ARHGAP26: variants seen among roughly 807,000 people sequenced by gnomAD.
The protein encoded by ARHGAP26 is Rho GTPase activating protein 26.
A neutral mutation model predicts 104.8 loss-of-function variants in ARHGAP26; 38 were observed. That is an observed-to-expected ratio of 0.36 (90% CI 0.28 to 0.48). ARHGAP26 has a LOEUF of 0.48. Ranked by LOEUF, ARHGAP26 falls within the 20% of genes least tolerant of loss-of-function variation. ARHGAP26 has a pLI of 0.99. For missense variants in ARHGAP26, 704 were observed against 947.9 expected (o/e 0.74, Z 3.38); for synonymous variants, 341 against 340.0 (o/e 1.00, Z -0.03).
intron 1 of ARHGAP26, chr5:142,868,201 G>A (rs1310406610): frequency 6.5e-6 from 1 of 152,914 alleles, no homozygotes; most frequent in Non-Finnish European, 1.5e-5. Context: ...GCTTCCTGGA[G>A]GAAAGAACTT....
chr5:142,953,345 G>A (rs1272946325), intron 11 of ARHGAP26, among the ~76,000 whole-genome samples: 1 of 152,216 alleles, frequency 6.6e-6, no homozygotes, highest in Non-Finnish European at 1.5e-5. Flanking sequence ...GCCGTAAATA[G>A]TTCCCTTTTT....
chr5:142,966,278 T>C (rs1771313828), intron 11 of ARHGAP26, among the ~76,000 whole-genome samples: 1 of 152,210 alleles, frequency 6.6e-6, no homozygotes, highest in South Asian at 2.1e-4. Context: ...ACTTTTGGCC[T>C]ATTTGGAATT....
At chr5:143,103,619 A>G (rs1793578284) in intron 17 of ARHGAP26, among the ~76,000 whole-genome samples, 2 of 152,226 alleles carry the variant, frequency 1.3e-5, no homozygotes, top group South Asian at 4.1e-4. Flanking sequence ...ATGAAGCCAT[A>G]AAAAAGAATA....
intron 20 of ARHGAP26, among the ~76,000 whole-genome samples, chr5:143,185,772 C>T (rs970425947): frequency 6.6e-6 from 1 of 152,120 alleles, no homozygotes; most frequent in Non-Finnish European, 1.5e-5. Flanking sequence ...TAACTTTTAC[C>T]CTCGTTTTCA....
intron 1 of ARHGAP26, among the ~76,000 whole-genome samples, chr5:142,847,646 C>T (rs945417800): frequency 5.1e-4 from 78 of 152,310 alleles, no homozygotes; most frequent in African/African-American, 1.4e-3. Flanking sequence ...CGTGAGCCAC[C>T]GTGCCCGGCC....
At chr5:142,917,593 A>G (rs1044087192) in intron 10 of ARHGAP26, among the ~76,000 whole-genome samples, 1 of 152,228 alleles carries the variant, frequency 6.6e-6, no homozygotes, top group Non-Finnish European at 1.5e-5. Context: ...TCCCGTGACT[A>G]AATTAAAAGA....
At chr5:142,825,768 G>T (rs1290000963) in intron 1 of ARHGAP26, among the ~76,000 whole-genome samples, 1 of 152,180 alleles carries the variant, frequency 6.6e-6, no homozygotes, top group Admixed American at 6.5e-5. Context: ...AGGCTTTTCT[G>T]TCCAGTAGAG....
At chr5:143,009,724 A>G (rs1778474053) in intron 11 of ARHGAP26, among the ~76,000 whole-genome samples, 1 of 152,264 alleles carries the variant, frequency 6.6e-6, no homozygotes, top group Non-Finnish European at 1.5e-5. Flanking sequence ...GATCTTTAAC[A>G]AATCTTCATA....
chr5:143,156,292 G>A (rs1800451447), intron 20 of ARHGAP26, among the ~76,000 whole-genome samples: 1 of 152,146 alleles, frequency 6.6e-6, no homozygotes, highest in African/African-American at 2.4e-5. Context: ...ATTCCTAGTT[G>A]GAAACAGCCT....
Position 142,948,105 on chromosome 5 carries a change from CG to C in ARHGAP26, c.1107+15983del, listed in dbSNP as rs758801101. Among the ~76,000 whole-genome samples the C allele has an allele frequency of 5.3e-5, 8 of 152,188 alleles. No individual in the cohort carries two copies. In the East Asian group the frequency reaches 1.5e-3, roughly 29 times the overall value. ...AAGAGCATGTTTCCCTTTTCAGACG[CG>C]GGCTTTGATGCGGCACTTTAGACGT... On this transcript the variant is annotated intron_variant, in intron 11 of 22. Coordinates refer to ENST00000645722, the MANE Select transcript of ARHGAP26 (RefSeq NM_001135608.3).
chr5:143,066,316 A>G (rs909081853), intron 17 of ARHGAP26, among the ~76,000 whole-genome samples: 1 of 152,242 alleles, frequency 6.6e-6, no homozygotes, highest in Non-Finnish European at 1.5e-5. Flanking sequence ...TCACACAGCA[A>G]TGAAATTGCC....
chr5:142,919,210 G>C, intron 10 of ARHGAP26: 1 of 398,510 alleles, frequency 2.5e-6, no homozygotes, highest in Non-Finnish European at 4.4e-6. Context: ...CTTGTAAAAA[G>C]GGGAAATTTG....
chr5:142,882,504 G>C (rs1306040746), intron 4 of ARHGAP26, among the ~76,000 whole-genome samples: 1 of 152,260 alleles, frequency 6.6e-6, no homozygotes, highest in Non-Finnish European at 1.5e-5. Flanking sequence ...CTGTGCTCAT[G>C]AAGTAGCTGG....
intron 17 of ARHGAP26, among the ~76,000 whole-genome samples, chr5:143,120,174 A>G (rs1414446875): frequency 6.6e-6 from 1 of 152,230 alleles, no homozygotes; most frequent in Admixed American, 6.5e-5. Flanking sequence ...ATGTTTTTAT[A>G]CATGGGGCCA....
chr5:142,804,384 G>T (rs1290513743), intron 1 of ARHGAP26, among the ~76,000 whole-genome samples: 1 of 152,200 alleles, frequency 6.6e-6, no homozygotes, highest in Non-Finnish European at 1.5e-5. Flanking sequence ...TGGGAAGCTA[G>T]TTTTCATTCA....
chr5:142,974,455 A>G (rs1187688413), intron 11 of ARHGAP26, among the ~76,000 whole-genome samples: 5 of 152,130 alleles, frequency 3.3e-5, no homozygotes, highest in Admixed American at 1.3e-4. Context: ...CCCTCTTTAC[A>G]TGGGCTTTTC....
chr5:143,083,357 C>T (rs1246835121), intron 17 of ARHGAP26, among the ~76,000 whole-genome samples: 2 of 152,176 alleles, frequency 1.3e-5, no homozygotes, highest in Non-Finnish European at 2.9e-5. Context: ...CCCCTTTGCT[C>T]CACTCAGGCA....
In ARHGAP26 at chr5:143,226,485, GAAAAA is replaced by G. The variant is rs57822966; in HGVS notation, c.*4056_*4060del. The G allele has an allele frequency of 0.019, 2,645 of 140,382 alleles. 5 individuals are homozygous for G. Among genetic ancestry groups the G allele is most frequent in the East Asian group, 0.075 (698 of 9,304 alleles). 8.7% of individuals were successfully genotyped at this position (140,382 alleles called of 1,614,324 possible). ...GACAGAGCCAGACTCCGTCTCAAAG[GAAAAA>G]AAAAAAAAAAAAAAAAGAATGCCAT... On this transcript the variant is annotated 3_prime_UTR_variant, in exon 23 of 23. Transcript: ENST00000645722.
At chr5:143,152,995 A>G (rs971197694) in intron 20 of ARHGAP26, among the ~76,000 whole-genome samples, 3 of 152,140 alleles carry the variant, frequency 2.0e-5, no homozygotes, top group Non-Finnish European at 2.9e-5. Flanking sequence ...GTGATAGTAA[A>G]CTGACACAAG....
Sources: allele counts gnomAD v4.1 joint callset (sites outside exome capture counted in the v4.1 genomes callset), GRCh38; gene constraint gnomAD v4.1.1; transcripts MANE v1.5; gene names NCBI Gene and HGNC (gene_info 2026-07-23, HGNC 2026-07-21).